ASAP1: variants seen among roughly 807,000 people sequenced by gnomAD.
The protein encoded by ASAP1 is arf-GAP with SH3 domain, ANK repeat and PH domain-containing protein 1.
ASAP1 carries 43 observed loss-of-function variants against 145.2 expected under a neutral mutation model. That is an observed-to-expected ratio of 0.30 (90% confidence interval 0.23 to 0.38). The LOEUF is 0.38. Among genes scored for constraint, ASAP1 ranks in the 10% least tolerant of loss-of-function variants. The pLI, the probability that ASAP1 is intolerant of heterozygous loss-of-function variation, is 1.00. For synonymous variants in ASAP1, 546 were observed against 515.5 expected (o/e 1.06, Z -0.80); for missense variants, 1,018 against 1,355.3 (o/e 0.75, Z 3.91).
chr8:130,072,826 C>CGT (rs1160417615), intron 27 of ASAP1, among the ~76,000 whole-genome samples: 981 of 13,758 alleles, frequency 0.071, 68 homozygotes, highest in Middle Eastern at 0.19. Context: ...TGTGTGTGTG[C>CGT]GCGCGGGGGG....
At chr8:130,160,449 A>G (rs1395171678) in intron 11 of ASAP1, among the ~76,000 whole-genome samples, 1 of 152,256 alleles carries the variant, frequency 6.6e-6, no homozygotes, top group Admixed American at 6.5e-5. Context: ...CAAGGTTTTA[A>G]CAATTATTAT....
chr8:130,269,445 T>C (rs1312797020), intron 3 of ASAP1, among the ~76,000 whole-genome samples: 11 of 152,210 alleles, frequency 7.2e-5, no homozygotes, highest in African/African-American at 2.7e-4. Context: ...ACAGTTCAAG[T>C]GGCTGTCTAC....
At position 130,054,177 on chromosome 8, in the gene ASAP1, TA is replaced by T. The variant is rs2097398691; in HGVS notation, c.*553del. On this transcript the variant is annotated 3_prime_UTR_variant, in exon 30 of 30. Coordinates refer to ENST00000518721, the MANE Select transcript of ASAP1 (RefSeq NM_018482.4). ...GTCAGTGAATATTTTGCTGAAGGAA[TA>T]ACACTTACATTTAACTGAGCACTTT... 6.5e-6 allele frequency: 1 copy of T among 153,798 alleles called. No homozygotes were observed. Among genetic ancestry groups the T allele is most frequent in the Admixed American group, 6.4e-5 (1 of 15,530 alleles). 9.5% of individuals were successfully genotyped at this position (153,798 alleles called of 1,614,324 possible).
chr8:130,322,968 T>C (rs1824102067), intron 3 of ASAP1, among the ~76,000 whole-genome samples: 1 of 152,222 alleles, frequency 6.6e-6, no homozygotes, highest in Admixed American at 6.5e-5. Flanking sequence ...TATCCAGGCT[T>C]TGTGAAGCAC....
intron 27 of ASAP1, among the ~76,000 whole-genome samples, chr8:130,070,139 C>T (rs2097439560): frequency 2.1e-5 from 3 of 145,804 alleles, no homozygotes; most frequent in Non-Finnish European, 4.6e-5. Context: ...CGGGTTCACG[C>T]CATTCTCCTG....
rs989152596 is a variant in ASAP1, at chr8:130,310,445, G to T, written c.186+47572C>A. Among the ~76,000 whole-genome samples the T allele has an allele frequency of 2.6e-5, 4 of 152,054 alleles. No individual in the cohort carries two copies. In the South Asian group the frequency reaches 8.3e-4, roughly 31 times the overall value. ...CATCAAGCAAATACTCGGAAAGATA[G>T]GGGTGAAGAGTCTAAACTTCATGGT... On this transcript the variant is annotated intron_variant, in intron 3 of 29. Coordinates refer to ENST00000518721, the MANE Select transcript of ASAP1 (RefSeq NM_018482.4).
intron 3 of ASAP1, among the ~76,000 whole-genome samples, chr8:130,259,589 T>C (rs1188904513): frequency 6.6e-6 from 1 of 152,190 alleles, no homozygotes; most frequent in Middle Eastern, 3.2e-3. Flanking sequence ...CAAGTAAAAT[T>C]GGCATAAATT....
At chr8:130,220,984 C>A (rs1419824806) in intron 4 of ASAP1, among the ~76,000 whole-genome samples, 1 of 152,010 alleles carries the variant, frequency 6.6e-6, no homozygotes, top group African/African-American at 2.4e-5. Context: ...GGTCCCTCCC[C>A]CAACATGTGG....
chr8:130,366,886 C>CTTTTTTTTTTTTTTTTTTTTTTTTTT lies in ASAP1; in HGVS notation c.60-8744_60-8743insAAAAAAAAAAAAAAAAAAAAAAAAAA, dbSNP rs905755447. 1.3e-4 allele frequency among the ~76,000 whole-genome samples: 13 copies of CTTTTTTTTTTTTTTTTTTTTTTTTTT among 99,192 alleles called. 1 individual carries two copies. Among genetic ancestry groups the CTTTTTTTTTTTTTTTTTTTTTTTTTT allele is most frequent in the East Asian group, 2.8e-4 (1 of 3,588 alleles). The allele number at this position is 99,192 out of a possible 152,430, so 65.1% of individuals were successfully genotyped here. On this transcript the variant is annotated intron_variant, in intron 2 of 29. Coordinates refer to ENST00000518721, the MANE Select transcript of ASAP1 (RefSeq NM_018482.4). Reference sequence around the variant, plus strand: ...TCTAAACAGGTACTATGCTAGATTCCTTTTTTTTTTTTTTTTTTTTTTGAG... The same window carrying CTTTTTTTTTTTTTTTTTTTTTTTTTT: ...TCTAAACAGGTACTATGCTAGATTCCTTTTTTTTTTTTTTTTTTTTTTTTTTTTTTTTTTTTTTTTTTTTTTTTGAG...
intron 3 of ASAP1, among the ~76,000 whole-genome samples, chr8:130,278,919 C>T (rs934577155): frequency 6.6e-6 from 1 of 152,172 alleles, no homozygotes; most frequent in Non-Finnish European, 1.5e-5. Flanking sequence ...GTTTACAAAG[C>T]CCTTCCTCAT....
intron 3 of ASAP1, among the ~76,000 whole-genome samples, chr8:130,276,796 C>A (rs1460016005): frequency 6.7e-6 from 1 of 150,284 alleles, no homozygotes; most frequent in Non-Finnish European, 1.5e-5. Flanking sequence ...GCATGAGAGA[C>A]CCTAAACTAT....
intron 14 of ASAP1, among the ~76,000 whole-genome samples, chr8:130,136,416 G>T (rs1334564190): frequency 6.6e-6 from 1 of 152,130 alleles, no homozygotes; most frequent in Non-Finnish European, 1.5e-5. Context: ...TTGGAAGCAA[G>T]GAAATGATTT....
chr8:130,301,954 T>G (rs941270504), intron 3 of ASAP1, among the ~76,000 whole-genome samples: 1 of 152,246 alleles, frequency 6.6e-6, no homozygotes, highest in African/African-American at 2.4e-5. Flanking sequence ...GACTGTAACC[T>G]CCACGATGGC....
intron 9 of ASAP1, among the ~76,000 whole-genome samples, chr8:130,172,983 T>C (rs968055573): frequency 1.3e-5 from 2 of 152,204 alleles, no homozygotes; most frequent in African/African-American, 4.8e-5. Flanking sequence ...ACAAACCAGA[T>C]ACATGAATCT....
At chr8:130,070,295 T>C (rs866627257) in intron 27 of ASAP1, among the ~76,000 whole-genome samples, 12 of 152,088 alleles carry the variant, frequency 7.9e-5, no homozygotes, top group Non-Finnish European at 7.4e-5. Flanking sequence ...CCTTGGCCTC[T>C]CAAAGTGCTG....
chr8:130,236,511 CT>C (rs910932096), intron 4 of ASAP1, among the ~76,000 whole-genome samples: 3 of 152,070 alleles, frequency 2.0e-5, no homozygotes, highest in African/African-American at 4.8e-5. Context: ...TCCTCTCTAA[CT>C]TTTTCCACAA....
At chr8:130,230,370 C>G (rs189743765) in intron 4 of ASAP1, among the ~76,000 whole-genome samples, 3 of 152,222 alleles carry the variant, frequency 2.0e-5, no homozygotes, top group Admixed American at 1.3e-4. Flanking sequence ...TTGAAACTTC[C>G]TAAGAAGCCT....
intron 2 of ASAP1, among the ~76,000 whole-genome samples, chr8:130,380,354 G>A (rs899057627): frequency 2.0e-5 from 3 of 152,208 alleles, no homozygotes; most frequent in Middle Eastern, 3.2e-3. Flanking sequence ...TTGGCTGAGG[G>A]CTGCTCCTGG....
At chr8:130,091,277 G>C (rs897505631) in intron 25 of ASAP1, among the ~76,000 whole-genome samples, 1 of 152,314 alleles carries the variant, frequency 6.6e-6, no homozygotes, top group South Asian at 2.1e-4. Flanking sequence ...TCTGTGATAA[G>C]GTGTTTGGGG....
Sources: gnomAD v4.1 joint callset for allele counts (sites outside exome capture counted in the v4.1 genomes callset) on GRCh38, gnomAD v4.1.1 for gene constraint, MANE v1.5 for transcripts, NCBI Gene and HGNC (gene_info 2026-07-23, HGNC 2026-07-21) for gene names.